Variants in ASH1L observed in about 807,000 individuals in gnomAD.
ASH1L encodes histone-lysine N-methyltransferase ASH1L.
In ASH1L, 23 loss-of-function variants were observed where a neutral mutation model predicts 269.0. That is an observed-to-expected ratio of 0.09 (90% CI 0.06 to 0.12). The LOEUF (loss-of-function observed/expected upper bound fraction) is 0.12. Among genes scored for constraint, ASH1L ranks in the 10% least tolerant of loss-of-function variants. ASH1L has a pLI of 1.00. For synonymous variants in ASH1L, 1,187 were observed against 1,253.5 expected (o/e 0.95, Z 1.12); for missense variants, 2,912 against 3,567.8 (o/e 0.82, Z 4.68).
chr1:155,400,871 G>A (rs1658777420), intron 6 of ASH1L, among the ~76,000 whole-genome samples: 1 of 152,146 alleles, frequency 6.6e-6, no homozygotes, highest in Non-Finnish European at 1.5e-5. Flanking sequence ...GATAAATTAA[G>A]ATCATGCCAG....
chr1:155,552,822 C>T (rs1050222662), intron 1 of ASH1L, among the ~76,000 whole-genome samples: 3 of 151,990 alleles, frequency 2.0e-5, no homozygotes, highest in Admixed American at 6.6e-5. Context: ...CATATTCTTA[C>T]CTATGAGGGA....
chr1:155,377,388 T>C (rs755219987), intron 10 of ASH1L, among the ~76,000 whole-genome samples: 72 of 152,150 alleles, frequency 4.7e-4, no homozygotes, highest in Non-Finnish European at 8.2e-4. Flanking sequence ...TGCTTCCTCA[T>C]TGTGGCAACC....
At chr1:155,430,386 C>G in intron 5 of ASH1L, among the ~76,000 whole-genome samples, 1 of 152,084 alleles carries the variant, frequency 6.6e-6, no homozygotes, top group Non-Finnish European at 1.5e-5. Flanking sequence ...AAAATTGGGT[C>G]TGATGCTGTT....
At chr1:155,410,708 T>G (rs961367135) in intron 6 of ASH1L, among the ~76,000 whole-genome samples, 1 of 151,368 alleles carries the variant, frequency 6.6e-6, no homozygotes, top group African/African-American at 2.4e-5. Context: ...TCGAAACCCA[T>G]AGAATGTATA....
chr1:155,543,984 T>C (rs938831623), intron 1 of ASH1L, among the ~76,000 whole-genome samples: 7 of 152,132 alleles, frequency 4.6e-5, no homozygotes, highest in Admixed American at 3.3e-4. Context: ...CATGGATTTA[T>C]TTTTTATTTT....
intron 2 of ASH1L, among the ~76,000 whole-genome samples, chr1:155,498,534 C>T (rs902010360): frequency 1.3e-5 from 2 of 151,888 alleles, no homozygotes; most frequent in African/African-American, 4.8e-5. Flanking sequence ...CTCTGCCTCC[C>T]GGGTTCAAGC....
At chr1:155,526,770 A>G (rs1238319017) in intron 1 of ASH1L, among the ~76,000 whole-genome samples, 1 of 152,142 alleles carries the variant, frequency 6.6e-6, no homozygotes, top group African/African-American at 2.4e-5. Flanking sequence ...TCCTATCACA[A>G]TATATAAACG....
intron 2 of ASH1L, among the ~76,000 whole-genome samples, chr1:155,516,026 C>T (rs1334056177): frequency 6.6e-6 from 1 of 152,014 alleles, no homozygotes; most frequent in Non-Finnish European, 1.5e-5. Flanking sequence ...TTGTTTCTTA[C>T]ACTGCCTTCT....
chr1:155,364,541 A>G (rs2148396926), intron 12 of ASH1L, among the ~76,000 whole-genome samples: 1 of 152,180 alleles, frequency 6.6e-6, no homozygotes, highest in Middle Eastern at 3.4e-3. Context: ...ATTTAGTTTA[A>G]TATTTCCCCT....
intron 17 of ASH1L, among the ~76,000 whole-genome samples, chr1:155,350,831 G>A (rs1653835271): frequency 6.6e-6 from 1 of 151,182 alleles, no homozygotes; most frequent in South Asian, 2.1e-4. Flanking sequence ...TGAGGCAGGA[G>A]AGTTGCTTGA....
At chr1:155,401,637 A>G (rs1226812450) in intron 6 of ASH1L, among the ~76,000 whole-genome samples, 3 of 151,272 alleles carry the variant, frequency 2.0e-5, no homozygotes, top group Non-Finnish European at 4.4e-5. Flanking sequence ...AAATACAAAA[A>G]ATTAGCCGGG....
intron 4 of ASH1L, among the ~76,000 whole-genome samples, 190 bp from the exon 5 acceptor site, chr1:155,439,258 C>A (rs1162331068): frequency 1.3e-5 from 2 of 151,948 alleles, no homozygotes; most frequent in Admixed American, 1.3e-4. Context: ...GCCTATATTT[C>A]TCTAATAATA....
intron 7 of ASH1L, among the ~76,000 whole-genome samples, chr1:155,383,243 A>G (rs779532097): frequency 2.6e-5 from 4 of 152,218 alleles, no homozygotes; most frequent in Non-Finnish European, 4.4e-5. Flanking sequence ...AACAAAAAAT[A>G]AAAATTTAGT....
chr1:155,423,778 T>A (rs555857469), intron 5 of ASH1L, among the ~76,000 whole-genome samples: 4 of 152,294 alleles, frequency 2.6e-5, no homozygotes, highest in Admixed American at 2.6e-4. Context: ...TCGCTCAGGC[T>A]GCAATGCAAT....
Position 155,343,387 on chromosome 1 carries a change from T to C in ASH1L, c.8220A>G (p.Pro2740=). The C allele has an allele frequency of 6.2e-7, 1 of 1,613,918 alleles. No individual in the cohort carries two copies. The highest frequency in any genetic ancestry group is 1.1e-5 in the South Asian group (1 of 91,074). The part of the protein sequence containing the change: ...RFYHNELFRV[P]LYEIIPLEAV... ...CCTCCAAGGGAATGATCTCATAGAGTGGCACCCGAAATAGTTCATTATGAT... is the reference window on the plus strand; with the variant it reads ...CCTCCAAGGGAATGATCTCATAGAGCGGCACCCGAAATAGTTCATTATGAT... Residue 2740 remains proline (P), a synonymous_variant, in exon 24 of 28, where the codon CCA becomes CCG. Transcript: ENST00000392403. This position sits in a 1 kb window ranked among gnomAD's most constrained non-coding sequence, Gnocchi z 6.1.
At chr1:155,354,184 T>G (rs999538378) in intron 16 of ASH1L, among the ~76,000 whole-genome samples, 1 of 152,206 alleles carries the variant, frequency 6.6e-6, no homozygotes, top group African/African-American at 2.4e-5. Flanking sequence ...ATCCCAACAC[T>G]TTGGGAGGCC....
At chr1:155,431,931 A>G (rs1019929517) in intron 5 of ASH1L, among the ~76,000 whole-genome samples, 12 of 152,134 alleles carry the variant, frequency 7.9e-5, no homozygotes, top group Non-Finnish European at 1.3e-4. Flanking sequence ...TATTTTTTAC[A>G]GCAAAAATTT....
intron 1 of ASH1L, among the ~76,000 whole-genome samples, chr1:155,553,581 C>CTCTACCTAGA: frequency 6.6e-6 from 1 of 152,238 alleles, no homozygotes; most frequent in African/African-American, 2.4e-5. Flanking sequence ...CTAGAACGCC[C>CTCTACCTAGA]TCTCTTAAGT....
Position 155,415,870 on chromosome 1 carries a change from G to C in ASH1L, c.5882C>G (p.Pro1961Arg). Residue 1961 changes from proline (P) to arginine (R), a missense_variant, in exon 6 of 28, where the codon CCT (proline) becomes CGT (arginine). Pro to Arg is a moderately radical substitution (Grantham distance 103, BLOSUM62 -2). This residue lies in a region of ASH1L where 193 missense variants were observed against 311.6 expected (regional missense o/e 0.62). Coordinates refer to ENST00000392403, the MANE Select transcript of ASH1L (RefSeq NM_018489.3). ...IPSPSETPAK[P>R]SEPESTLQPV... is the part of the protein sequence containing the mutation. ...CTGCAAGGTACTTTCAGGTTCAGAA[G>C]GTTTAGCTGGGGTTTCAGAAGGACT... 6.2e-7 allele frequency: 1 copy of C among 1,612,362 alleles called. No homozygotes were observed. The highest frequency in any genetic ancestry group is 8.5e-7 in the Non-Finnish European group (1 of 1,179,316).
Sources: allele counts gnomAD v4.1 joint callset (sites outside exome capture counted in the v4.1 genomes callset), GRCh38; gene constraint gnomAD v4.1.1; regional missense constraint gnomAD v4.1.1; non-coding constraint Gnocchi (gnomAD v3.1); transcripts MANE v1.5; gene names NCBI Gene and HGNC (gene_info 2026-07-23, HGNC 2026-07-21).